Variants in KIAA0825 observed in about 807,000 individuals in gnomAD.
KIAA0825 encodes uncharacterized protein KIAA0825.
A neutral mutation model predicts 147.6 loss-of-function variants in KIAA0825; 119 were observed. That is an observed-to-expected ratio of 0.81 (90% CI 0.69 to 0.94). KIAA0825 has a LOEUF of 0.94. Ranked by LOEUF, KIAA0825 falls within the 40% of genes least tolerant of loss-of-function variation. KIAA0825 has a pLI of 0.00. For synonymous variants in KIAA0825, 470 were observed against 518.1 expected (o/e 0.91, Z 1.26); for missense variants, 1,381 against 1,472.7 (o/e 0.94, Z 1.02).
chr5:94,219,252 T>G (rs1408094553), intron 20 of KIAA0825, among the ~76,000 whole-genome samples: 2 of 151,970 alleles, frequency 1.3e-5, no homozygotes, highest in East Asian at 3.9e-4. Flanking sequence ...TCATAGGGAG[T>G]GTGCAATCTA....
At chr5:94,373,023 A>G (rs955006792) in intron 20 of KIAA0825, among the ~76,000 whole-genome samples, 44 of 152,178 alleles carry the variant, frequency 2.9e-4, no homozygotes, top group Non-Finnish European at 5.0e-4. Flanking sequence ...TCCAGTTTTC[A>G]ACAAGTTCCT....
intron 18 of KIAA0825, among the ~76,000 whole-genome samples, chr5:94,390,404 T>C (rs1024572241): frequency 2.6e-5 from 4 of 152,228 alleles, no homozygotes; most frequent in African/African-American, 7.2e-5. Context: ...AATAGAGGTC[T>C]TTCAGTTTGC....
At chr5:94,383,035 T>C (rs1584325804) in intron 20 of KIAA0825, among the ~76,000 whole-genome samples, 1 of 152,232 alleles carries the variant, frequency 6.6e-6, no homozygotes, top group Non-Finnish European at 1.5e-5. Context: ...CATGTCACTA[T>C]AGATTCAATA....
chr5:94,176,242 T>C (rs1769087947), intron 20 of KIAA0825, among the ~76,000 whole-genome samples: 1 of 152,128 alleles, frequency 6.6e-6, no homozygotes, highest in Admixed American at 6.6e-5. Flanking sequence ...GAGCCTGGCC[T>C]CCCTGGTTTC....
At chr5:94,614,963 T>C (rs1486545182) in intron 1 of KIAA0825, among the ~76,000 whole-genome samples, 1 of 151,940 alleles carries the variant, frequency 6.6e-6, no homozygotes, top group African/African-American at 2.4e-5. Flanking sequence ...TGAGGCTTTA[T>C]AAGTCAACCC....
At chr5:94,443,449 A>T (rs1157954966) in intron 13 of KIAA0825, among the ~76,000 whole-genome samples, 1 of 151,956 alleles carries the variant, frequency 6.6e-6, no homozygotes, top group Non-Finnish European at 1.5e-5. Context: ...AATGTTATAA[A>T]TCCTATAGAA....
intron 20 of KIAA0825, among the ~76,000 whole-genome samples, chr5:94,379,379 GTT>G (rs939930742): frequency 1.3e-5 from 2 of 152,108 alleles, no homozygotes; most frequent in African/African-American, 4.8e-5. Flanking sequence ...CCCATTGCTT[GTT>G]TTTGTGAACT....
intron 20 of KIAA0825, among the ~76,000 whole-genome samples, chr5:94,313,458 T>C (rs1389650332): frequency 6.6e-6 from 1 of 151,722 alleles, no homozygotes; most frequent in East Asian, 1.9e-4. Context: ...GCCATACATT[T>C]AAAGCAGGAA....
intron 20 of KIAA0825, among the ~76,000 whole-genome samples, chr5:94,301,632 T>A (rs979839581): frequency 5.3e-5 from 8 of 152,080 alleles, no homozygotes; most frequent in African/African-American, 1.7e-4. Context: ...ACTTAACGTA[T>A]TCAGAGAAGT....
chr5:94,376,027 C>T (rs188934772), intron 20 of KIAA0825, among the ~76,000 whole-genome samples: 1 of 152,298 alleles, frequency 6.6e-6, no homozygotes, highest in Non-Finnish European at 1.5e-5. Flanking sequence ...TGAGCACCAT[C>T]ACTTAGAGCT....
chr5:94,309,843 G>C (rs1779002792), intron 20 of KIAA0825, among the ~76,000 whole-genome samples: 3 of 151,644 alleles, frequency 2.0e-5, no homozygotes, highest in South Asian at 4.1e-4. Flanking sequence ...GAGAGGGGTT[G>C]AGGTGCTCTG....
At chr5:94,324,845 A>G (rs1780528526) in intron 20 of KIAA0825, among the ~76,000 whole-genome samples, 1 of 151,530 alleles carries the variant, frequency 6.6e-6, no homozygotes, top group Admixed American at 6.6e-5. Flanking sequence ...TCATCATTTA[A>G]AAAGGGTACC....
chr5:94,574,561 A>AAAAAG (rs1561338823), intron 2 of KIAA0825, among the ~76,000 whole-genome samples: 1 of 150,202 alleles, frequency 6.7e-6, no homozygotes, highest in African/African-American at 2.5e-5. Context: ...AAAAAAAAAA[A>AAAAAG]AAAAGAAAAA....
rs113578481 is a variant in KIAA0825, at chr5:94,471,284, T to C, written c.1721+182A>G. Reference sequence around the variant, plus strand: ...ACTATCTTACTATCTATGTATCTAGTTTAATATATCCCATGCTCCACCTTT... The same window carrying C: ...ACTATCTTACTATCTATGTATCTAGCTTAATATATCCCATGCTCCACCTTT... On this transcript the variant is annotated intron_variant, in intron 9 of 20. Coordinates refer to ENST00000682413, the MANE Select transcript of KIAA0825 (RefSeq NM_001145678.3). Among the ~76,000 whole-genome samples, 87 of 152,266 alleles carry C rather than the reference T, an allele frequency of 5.7e-4. 1 individual carries two copies. The highest frequency in any genetic ancestry group is 1.9e-3 in the African/African-American group (79 of 41,546).
intron 16 of KIAA0825, among the ~76,000 whole-genome samples, chr5:94,397,064 T>C (rs1326713311): frequency 1.3e-5 from 2 of 152,096 alleles, no homozygotes; most frequent in Non-Finnish European, 2.9e-5. Context: ...CTTTTGGGGA[T>C]CCCCATTTTG....
intron 2 of KIAA0825, among the ~76,000 whole-genome samples, chr5:94,552,125 T>C (rs575704816): frequency 6.6e-6 from 1 of 152,084 alleles, no homozygotes; most frequent in African/African-American, 2.4e-5. Flanking sequence ...ATAGCTATAG[T>C]TATATCAGAT....
intron 2 of KIAA0825, among the ~76,000 whole-genome samples, chr5:94,563,108 G>A (rs572241896): frequency 1.1e-4 from 16 of 152,038 alleles, no homozygotes; most frequent in Admixed American, 4.6e-4. Context: ...TTGGGAGGCC[G>A]AGGTGGGTGT....
chr5:94,158,103 A>G (rs1767204648), intron 20 of KIAA0825, among the ~76,000 whole-genome samples: 1 of 152,164 alleles, frequency 6.6e-6, no homozygotes, highest in Admixed American at 6.5e-5. Context: ...TTGAATATGA[A>G]TGTAAACTTC....
chr5:94,219,316 T>A (rs1281431503), intron 20 of KIAA0825, among the ~76,000 whole-genome samples: 1 of 152,118 alleles, frequency 6.6e-6, no homozygotes, highest in Non-Finnish European at 1.5e-5. Flanking sequence ...GATAATCTAA[T>A]GTTGCCGCTG....
Sources: gnomAD v4.1 joint callset for allele counts (sites outside exome capture counted in the v4.1 genomes callset) on GRCh38, gnomAD v4.1.1 for gene constraint, MANE v1.5 for transcripts, NCBI Gene and HGNC (gene_info 2026-07-23, HGNC 2026-07-21) for gene names.